SPPL3: variants seen among roughly 807,000 people sequenced by gnomAD.
SPPL3 encodes signal peptide peptidase like 3.
SPPL3 carries 5 observed loss-of-function variants against 42.4 expected under a neutral mutation model. That is an observed-to-expected ratio of 0.12 (90% CI 0.06 to 0.25). The LOEUF (loss-of-function observed/expected upper bound fraction) is 0.25, where lower values mean the gene tolerates loss of function less well. Among genes scored for constraint, SPPL3 ranks in the 10% least tolerant of loss-of-function variants. SPPL3 has a pLI of 1.00. For synonymous variants in SPPL3, 195 were observed against 181.8 expected (o/e 1.07, Z -0.58); for missense variants, 235 against 489.0 (o/e 0.48, Z 4.90).
chr12:120,898,429 G>C (rs1241510236), intron 1 of SPPL3, among the ~76,000 whole-genome samples: 5 of 150,038 alleles, frequency 3.3e-5, no homozygotes, highest in African/African-American at 1.2e-4. Context: ...TCCTTATGTA[G>C]CTTATTTTGT....
intron 7 of SPPL3, 108 bp from the exon 8 acceptor site, chr12:120,768,596 A>C: frequency 2.4e-6 from 3 of 1,249,868 alleles, no homozygotes; most frequent in Non-Finnish European, 2.2e-6. Context: ...TGTGACTGCA[A>C]TGCTTTCGTT....
At chr12:120,802,148 G>T (rs944260337) in intron 2 of SPPL3, among the ~76,000 whole-genome samples, 24 of 151,814 alleles carry the variant, frequency 1.6e-4, no homozygotes, top group Admixed American at 5.3e-4. Context: ...GATTTTCTGA[G>T]GAAGATTCTA....
intron 1 of SPPL3, among the ~76,000 whole-genome samples, chr12:120,867,276 T>C (rs955567225): frequency 6.6e-6 from 1 of 152,194 alleles, no homozygotes; most frequent in African/African-American, 2.4e-5. Context: ...GACACCTCCA[T>C]GCATGGCAAA....
chr12:120,845,858 TTATCTATCTATCTATCTATC>T (rs60954976), intron 1 of SPPL3, among the ~76,000 whole-genome samples: 130 of 147,414 alleles, frequency 8.8e-4, no homozygotes, highest in Admixed American at 3.4e-3. Flanking sequence ...TTAGAATCCA[TTATCTATCTATCTATCTATC>T]TATCTATCTA....
At chr12:120,766,098 GCGCACACACACACACACACACACACA>G (rs1396977477) in intron 10 of SPPL3, among the ~76,000 whole-genome samples, 139 bp downstream of exon 10, 12 of 144,154 alleles carry the variant, frequency 8.3e-5, no homozygotes, top group South Asian at 2.3e-4. Flanking sequence ...TAGCGCGCGC[GCGCACACACACACACACACACACACA>G]CACACACACA....
intron 1 of SPPL3, among the ~76,000 whole-genome samples, chr12:120,843,309 A>G (rs957162859): frequency 3.9e-5 from 6 of 152,214 alleles, no homozygotes; most frequent in African/African-American, 1.4e-4. Flanking sequence ...GTGATTTAAG[A>G]CTTGCCTATA....
intron 1 of SPPL3, among the ~76,000 whole-genome samples, chr12:120,855,602 G>C (rs1208006971): frequency 6.6e-6 from 1 of 151,786 alleles, no homozygotes; most frequent in African/African-American, 2.4e-5. Flanking sequence ...CGGGAGAATC[G>C]CTTGAACCCG....
chr12:120,879,989 T>G (rs144696183), intron 1 of SPPL3, among the ~76,000 whole-genome samples: 1 of 151,984 alleles, frequency 6.6e-6, no homozygotes, highest in African/African-American at 2.4e-5. Flanking sequence ...ATCTTTTTTT[T>G]TTTTTCACTT....
rs9431 is a variant in SPPL3, at chr12:120,764,861, A to C, written c.*138T>G. On this transcript the variant is annotated 3_prime_UTR_variant, in exon 11 of 11. Coordinates refer to ENST00000353487, the MANE Select transcript of SPPL3 (RefSeq NM_139015.5). ...TCTCTCCTGCAAACGAGCTCCCTTT[A>C]AATGCCAAATCCAGTCACACGGCAG... 470,541 of 907,796 alleles carry C rather than the reference A, an allele frequency of 0.52. 123,050 individuals carry two copies. The highest frequency in any genetic ancestry group is 0.63 in the Admixed American group (21,461 of 33,940). The allele number at this position is 907,796 out of a possible 1,614,324, so 56.2% of individuals were successfully genotyped here.
At position 120,789,517 on chromosome 12, in the gene SPPL3, G is replaced by C. The variant is rs188683395; in HGVS notation, c.190+1952C>G. Among the ~76,000 whole-genome samples, 3 of 146,636 alleles carry C rather than the reference G, an allele frequency of 2.0e-5. No homozygotes were observed. The East Asian group carries it at 6.3e-4, about 31-fold the overall frequency. On this transcript the variant is annotated intron_variant, in intron 3 of 10. Transcript: ENST00000353487. ...TACCACTCTTTAGACTGTGCTTCAT[G>C]AACAAAAAATAAAAAAGCTTATGTT... is the stretch of plus-strand genomic sequence containing the variant.
intron 1 of SPPL3, among the ~76,000 whole-genome samples, chr12:120,833,684 A>G (rs1871510796): frequency 1.4e-5 from 2 of 147,896 alleles, no homozygotes; most frequent in African/African-American, 2.4e-5. Context: ...AAAAAAAGAA[A>G]AAAAAAAAAA....
chr12:120,872,631 C>T lies in SPPL3; in HGVS notation c.23+31214G>A, dbSNP rs561778737. Among the ~76,000 whole-genome samples, 241 of 152,182 alleles carry T rather than the reference C, an allele frequency of 1.6e-3. 1 individual carries two copies. The highest frequency in any genetic ancestry group is 5.4e-3 in the African/African-American group (226 of 41,504). Reference sequence around the variant, plus strand: ...CTGGCAGAAGGGTTCCTTTCAGTCTCGGATCTCCAAGTGCTTGAGAGGAAG... The same window carrying T: ...CTGGCAGAAGGGTTCCTTTCAGTCTTGGATCTCCAAGTGCTTGAGAGGAAG... On this transcript the variant is annotated intron_variant, in intron 1 of 10. Coordinates refer to ENST00000353487, the MANE Select transcript of SPPL3 (RefSeq NM_139015.5).
At chr12:120,807,293 C>T (rs1222137104) in intron 2 of SPPL3, among the ~76,000 whole-genome samples, 3 of 151,860 alleles carry the variant, frequency 2.0e-5, no homozygotes, top group East Asian at 1.9e-4. Flanking sequence ...TACCTGTCAC[C>T]GAAGGGTACA....
Position 120,894,945 on chromosome 12 carries a change from TCAAACAAACAAACAAA to T in SPPL3, c.23+8884_23+8899del, listed in dbSNP as rs61465383. ...CCGGGCAACAGAGTGAGAGTCCGTCTCAAACAAACAAACAAACAAACAAACAAACCTGCTAACAGCT... is the reference window on the plus strand; with the variant it reads ...CCGGGCAACAGAGTGAGAGTCCGTCTCAAACAAACAAACCTGCTAACAGCT... On this transcript the variant is annotated intron_variant, in intron 1 of 10. Coordinates refer to ENST00000353487, the MANE Select transcript of SPPL3 (RefSeq NM_139015.5). 9.7e-4 allele frequency among the ~76,000 whole-genome samples: 146 copies of T among 150,528 alleles called. 1 individual carries two copies. Among genetic ancestry groups the T allele is most frequent in the Admixed American group, 9.1e-3 (138 of 15,082 alleles).
At position 120,903,895 on chromosome 12, in the gene SPPL3, AGGCTGT is replaced by A; in HGVS notation, c.-34_-29del. On this transcript the variant is annotated 5_prime_UTR_variant, in exon 1 of 11. Transcript: ENST00000353487. ...CGCTGCCTCTCGTGGGCTCCGCTGC[AGGCTGT>A]GGCCGGGCCCGGCGGCGGCGGGCTC... 6 of 1,387,774 alleles carry A rather than the reference AGGCTGT, an allele frequency of 4.3e-6. No individual in the cohort carries two copies. The highest frequency in any genetic ancestry group is 5.6e-6 in the Non-Finnish European group (6 of 1,070,008). The allele number at this position is 1,387,774 out of a possible 1,614,324, so 86.0% of individuals were successfully genotyped here. A position where few individuals can be genotyped will look rare whatever the true frequency, so the allele number is the denominator to read the frequency against.
In SPPL3 at chr12:120,767,456, T is replaced by A. The variant is rs148325902; in HGVS notation, c.911A>T (p.Asn304Ile). The change falls in exon 9 of 11, where the codon AAC becomes ATC. Residue 304 changes from asparagine (N) to isoleucine (I), a missense_variant. This residue lies in a region of SPPL3 where 29 missense variants were observed against 16.4 expected (regional missense o/e 1.77). Transcript: ENST00000353487. Reference protein sequence around the residue: ...GDSCGAPGPANISGRMQKVSY... With the variant: ...GDSCGAPGPAIISGRMQKVSY... ...GACCTTCTGCATGCGCCCGGAGATG[T>A]TGGCAGGTCCAGGGGCCCCACAGGA... 3.1e-6 allele frequency: 5 copies of A among 1,614,020 alleles called. No homozygotes were observed. Among genetic ancestry groups the A allele is most frequent in the Non-Finnish European group, 4.2e-6 (5 of 1,180,048 alleles).
rs552953740 is a variant in SPPL3 at position 120,859,860 on chromosome 12, T to A, written c.23+43985A>T. Among the ~76,000 whole-genome samples, 3 of 152,200 alleles carry A rather than the reference T, an allele frequency of 2.0e-5. No individual in the cohort carries two copies. The East Asian group carries it at 5.8e-4, about 29-fold the overall frequency. ...CGGGAGGCTGAGGCAGGAGAACTGC[T>A]TGAACCCGGGAGGCAGAGGTTGCAG... is the stretch of plus-strand genomic sequence containing the variant. On this transcript the variant is annotated intron_variant, in intron 1 of 10. Coordinates refer to ENST00000353487, the MANE Select transcript of SPPL3 (RefSeq NM_139015.5).
chr12:120,822,705 TGAATTTC>T (rs1230128724), intron 1 of SPPL3, among the ~76,000 whole-genome samples: 1 of 152,156 alleles, frequency 6.6e-6, no homozygotes, highest in Non-Finnish European at 1.5e-5. Flanking sequence ...TTAGACAGAC[TGAATTTC>T]AGTAGCAAAT....
intron 5 of SPPL3, 131 bp from the exon 6 acceptor site, chr12:120,782,898 A>G (rs1401937841): frequency 1.5e-6 from 1 of 664,552 alleles, no homozygotes; most frequent in African/African-American, 1.8e-5. Context: ...CAAAATACCC[A>G]ATCCTTTTTT....
Sources: gnomAD v4.1 joint callset for allele counts (sites outside exome capture counted in the v4.1 genomes callset) on GRCh38, gnomAD v4.1.1 for gene constraint, gnomAD v4.1.1 regional missense constraint, MANE v1.5 for transcripts, NCBI Gene and HGNC (gene_info 2026-07-23, HGNC 2026-07-21) for gene names.